ATE1: variants seen among roughly 807,000 people sequenced by gnomAD.
ATE1 encodes the protein arginyltransferase 1, also known as arginyl-tRNA--protein transferase 1.
ATE1 carries 36 observed loss-of-function variants against 70.5 expected under a neutral mutation model. That is an observed-to-expected ratio of 0.51 (90% CI 0.39 to 0.67). The LOEUF (loss-of-function observed/expected upper bound fraction) is 0.67. Ranked by LOEUF, ATE1 falls within the 30% of genes least tolerant of loss-of-function variation. ATE1 has a pLI of 0.00. For synonymous variants in ATE1, 232 were observed against 219.3 expected (o/e 1.06, Z -0.51); for missense variants, 593 against 629.5 (o/e 0.94, Z 0.62).
At chr10:121,869,174 T>A in intron 8 of ATE1, among the ~76,000 whole-genome samples, 1 of 152,154 alleles carries the variant, frequency 6.6e-6, no homozygotes, top group East Asian at 1.9e-4. Flanking sequence ...ATTTGAGAGG[T>A]AGGAATTATT....
chr10:121,775,923 T>A (rs1197947060), intron 11 of ATE1, among the ~76,000 whole-genome samples: 2 of 152,240 alleles, frequency 1.3e-5, no homozygotes, highest in East Asian at 3.8e-4. Context: ...GTGACAAGAA[T>A]ACTCTAATAC....
chr10:121,899,013 C>T lies in ATE1; in HGVS notation c.942+853G>A, dbSNP rs965894332. The T allele has an allele frequency of 1.2e-5, 20 of 1,600,060 alleles. No individual in the cohort carries two copies. The East Asian group carries it at 4.3e-4, about 34-fold the overall frequency. ...ACAAGCAAATGCTATTGAAACATCT[C>T]TGATGATATGCTTCTGAAGGTGAGG... On this transcript the variant is annotated intron_variant, in intron 7 of 11. Transcript: ENST00000224652.
chr10:121,860,856 A>G (rs1205730695), intron 8 of ATE1, among the ~76,000 whole-genome samples: 2 of 152,210 alleles, frequency 1.3e-5, no homozygotes, highest in African/African-American at 4.8e-5. Context: ...TCTAGTAAAC[A>G]CCTTAGAATC....
intron 3 of ATE1, among the ~76,000 whole-genome samples, chr10:121,915,991 C>G (rs976428707): frequency 6.6e-6 from 1 of 151,760 alleles, no homozygotes; most frequent in Admixed American, 6.6e-5. Flanking sequence ...AATATCAGCA[C>G]TTTGGGAGGC....
intron 10 of ATE1, among the ~76,000 whole-genome samples, chr10:121,813,640 C>T (rs941240304): frequency 3.9e-5 from 6 of 152,114 alleles, no homozygotes; most frequent in Non-Finnish European, 7.4e-5. Context: ...TCCAGGCTAT[C>T]TAGGAAGAGG....
At chr10:121,901,193 G>T (rs2134306274) in intron 6 of ATE1, among the ~76,000 whole-genome samples, 1 of 152,074 alleles carries the variant, frequency 6.6e-6, no homozygotes, top group Admixed American at 6.6e-5. Flanking sequence ...CTTGAACCCA[G>T]GAGGCAGAGG....
chr10:121,925,360 C>T (rs1052878966), intron 1 of ATE1, among the ~76,000 whole-genome samples: 2 of 149,336 alleles, frequency 1.3e-5, no homozygotes, highest in African/African-American at 5.0e-5. Context: ...GCGGAGGTTG[C>T]AGTGACTCGA....
chr10:121,766,475 A>G (rs1019027657), intron 11 of ATE1, among the ~76,000 whole-genome samples: 9 of 152,114 alleles, frequency 5.9e-5, no homozygotes, highest in Admixed American at 5.2e-4. Context: ...CGGTAATCCA[A>G]CTGAGGATTC....
intron 3 of ATE1, among the ~76,000 whole-genome samples, chr10:121,917,854 CTT>C (rs1246177910): frequency 1.3e-5 from 2 of 152,134 alleles, no homozygotes; most frequent in Non-Finnish European, 2.9e-5. Flanking sequence ...AAATAAAAAA[CTT>C]AAAAAATCAT....
intron 8 of ATE1, among the ~76,000 whole-genome samples, chr10:121,850,950 G>C (rs1012439226): frequency 4.6e-5 from 7 of 151,820 alleles, no homozygotes; most frequent in African/African-American, 1.2e-4. Context: ...AATTAGCCAG[G>C]CATGGTGGCG....
In ATE1 at chr10:121,912,937, T is replaced by C. The variant is rs574529410; in HGVS notation, c.337+853A>G. 2.6e-5 allele frequency among the ~76,000 whole-genome samples: 4 copies of C among 152,124 alleles called. No homozygotes were observed. In the East Asian group the frequency reaches 7.9e-4, roughly 30 times the overall value. On this transcript the variant is annotated intron_variant, in intron 4 of 11. Coordinates refer to ENST00000224652, the MANE Select transcript of ATE1 (RefSeq NM_001001976.3). Reference sequence around the variant, plus strand: ...CTCTGTCACCCACGCTGGAGTGCAGTGGCACAATGTCGGCTCACTGCAACC... The same window carrying C: ...CTCTGTCACCCACGCTGGAGTGCAGCGGCACAATGTCGGCTCACTGCAACC...
At chr10:121,840,987 A>G in intron 9 of ATE1, 95 bp downstream of exon 9, 1 of 1,126,902 alleles carries the variant, frequency 8.9e-7, no homozygotes, top group Non-Finnish European at 1.2e-6. Flanking sequence ...ACTGTCAATT[A>G]GGACTTCTAC....
intron 10 of ATE1, among the ~76,000 whole-genome samples, chr10:121,796,217 G>GCAAA (rs1279911218): frequency 6.6e-5 from 10 of 152,076 alleles, no homozygotes; most frequent in African/African-American, 2.4e-4. Flanking sequence ...TACCAAGCAA[G>GCAAA]GGCACCTATT....
intron 7 of ATE1, among the ~76,000 whole-genome samples, chr10:121,887,284 A>G (rs940210752): frequency 5.9e-5 from 9 of 152,172 alleles, no homozygotes; most frequent in African/African-American, 1.4e-4. Flanking sequence ...TTTCCTTTCC[A>G]CACTCATTGT....
intron 8 of ATE1, among the ~76,000 whole-genome samples, chr10:121,847,246 A>G (rs147094198): frequency 0.016 from 2,402 of 152,222 alleles, 59 homozygotes; most frequent in African/African-American, 0.056. Flanking sequence ...CAGGAGTTCA[A>G]GACCAGCCTG....
In ATE1 at chr10:121,847,951, A is replaced by G. The variant is rs370784910; in HGVS notation, c.976-6688T>C. Among the ~76,000 whole-genome samples, 7 of 151,768 alleles carry G rather than the reference A, an allele frequency of 4.6e-5. No homozygotes were observed. The South Asian group carries it at 8.3e-4, about 18-fold the overall frequency. Reference sequence around the variant, plus strand: ...CCAGGTGTGGTGGCACGTGCCTGTAATCCCAGCTACTCGGGAGGCTGAGGC... The same window carrying G: ...CCAGGTGTGGTGGCACGTGCCTGTAGTCCCAGCTACTCGGGAGGCTGAGGC... On this transcript the variant is annotated intron_variant, in intron 8 of 11. Transcript: ENST00000224652.
At chr10:121,900,698 A>C (rs1427758039) in intron 6 of ATE1, among the ~76,000 whole-genome samples, 2 of 152,232 alleles carry the variant, frequency 1.3e-5, no homozygotes, top group African/African-American at 4.8e-5. Flanking sequence ...TGGAAACTGG[A>C]CATGTGTGCC....
At position 121,763,024 on chromosome 10, in the gene ATE1, G is replaced by T. The variant is rs915469209; in HGVS notation, c.1379-19166C>A. On this transcript the variant is annotated intron_variant, in intron 11 of 11. Transcript: ENST00000224652. ...CTTACTGCATATGACGTGAGGGCAGGATACTACAGTGTACAATTTGCCTTT... is the reference window on the plus strand; with the variant it reads ...CTTACTGCATATGACGTGAGGGCAGTATACTACAGTGTACAATTTGCCTTT... Among the ~76,000 whole-genome samples the T allele has an allele frequency of 1.8e-4, 28 of 152,172 alleles. No individual in the cohort carries two copies. The East Asian group carries it at 5.2e-3, about 28-fold the overall frequency.
chr10:121,750,318 G>A (rs1052250075), intron 11 of ATE1, among the ~76,000 whole-genome samples: 3 of 152,020 alleles, frequency 2.0e-5, no homozygotes, highest in Non-Finnish European at 4.4e-5. Flanking sequence ...AAAAACTCTC[G>A]GCTTACTGAG....
Sources: allele counts gnomAD v4.1 joint callset (sites outside exome capture counted in the v4.1 genomes callset), GRCh38; gene constraint gnomAD v4.1.1; transcripts MANE v1.5; gene names NCBI Gene and HGNC (gene_info 2026-07-23, HGNC 2026-07-21).